Variants in MXI1 observed in about 807,000 individuals in gnomAD.
The protein encoded by MXI1 is MAX interactor 1, dimerization protein, also known as max-interacting protein 1.
A neutral mutation model predicts 36.9 loss-of-function variants in MXI1; 18 were observed. That is an observed-to-expected ratio of 0.49 (90% CI 0.34 to 0.72). MXI1 has a LOEUF of 0.72. Ranked by LOEUF, MXI1 falls within the 30% of genes least tolerant of loss-of-function variation. MXI1 has a pLI of 0.01. For missense variants in MXI1, 304 were observed against 379.1 expected, an observed-to-expected ratio of 0.80 and a Z score of 1.64; for synonymous variants, 160 against 146.7, an observed-to-expected ratio of 1.09 and a Z score of -0.65.
intron 2 of MXI1, among the ~76,000 whole-genome samples, chr10:110,233,366 G>A (rs747483371): frequency 9.2e-5 from 14 of 151,962 alleles, no homozygotes; most frequent in Non-Finnish European, 1.9e-4. Context: ...GAGGGATGGT[G>A]GTGAATTATT....
chr10:110,236,265 T>G (rs1414636031), intron 2 of MXI1, among the ~76,000 whole-genome samples: 1 of 151,074 alleles, frequency 6.6e-6, no homozygotes, highest in East Asian at 1.9e-4. Context: ...GACCACAGAC[T>G]TGTGAGCCTT....
intron 3 of MXI1, among the ~76,000 whole-genome samples, chr10:110,252,679 T>C (rs1008666125): frequency 6.6e-6 from 1 of 152,130 alleles, no homozygotes; most frequent in South Asian, 2.1e-4. Context: ...GGCAGGACTT[T>C]GTCTTATTTA....
chr10:110,225,990 A>T, intron 1 of MXI1: 1 of 981,414 alleles, frequency 1.0e-6, no homozygotes, highest in Non-Finnish European at 1.2e-6. Context: ...GCTCGCGGGG[A>T]GAGGTAAACA....
chr10:110,268,916 T>C (rs1590395540), intron 3 of MXI1, among the ~76,000 whole-genome samples: 1 of 152,314 alleles, frequency 6.6e-6, no homozygotes, highest in East Asian at 1.9e-4. Flanking sequence ...AGGTTGCAAA[T>C]GGCCTGTAAA....
intron 3 of MXI1, among the ~76,000 whole-genome samples, chr10:110,278,701 GGT>G (rs368265649): frequency 0.017 from 1,939 of 115,688 alleles, 11 homozygotes; most frequent in Admixed American, 0.023. Context: ...AGAGAGGTAG[GGT>G]GTGTGTGTGT....
chr10:110,213,798 G>A (rs1044645865), intron 1 of MXI1, among the ~76,000 whole-genome samples: 2 of 152,232 alleles, frequency 1.3e-5, no homozygotes, highest in African/African-American at 4.8e-5. Flanking sequence ...CCAGAAATGG[G>A]GATTCATCTG....
At chr10:110,249,659 G>A (rs1182444968) in intron 3 of MXI1, among the ~76,000 whole-genome samples, 2 of 151,664 alleles carry the variant, frequency 1.3e-5, no homozygotes, top group Non-Finnish European at 2.9e-5. Context: ...TGATCATTTA[G>A]TGAATCATTT....
intron 5 of MXI1, among the ~76,000 whole-genome samples, chr10:110,283,357 A>G (rs2096171): frequency 0.77 from 117,272 of 151,494 alleles, 45,684 homozygotes; most frequent in East Asian, 1. Context: ...TCTGCCTCCT[A>G]AGTTCAAGTG....
Position 110,284,891 on chromosome 10 carries a change from C to G in MXI1, c.792C>G (p.Thr264=), listed in dbSNP as rs534459554. Residue 264 remains threonine, a synonymous_variant, in exon 6 of 6, where the codon ACC becomes ACG. Coordinates refer to ENST00000332674, the MANE Select transcript of MXI1 (RefSeq NM_130439.3). ...GAGAAGTGGACAATATAAGTACCAC[C>G]AGCATCAGTGACATTGATGACCACA... The part of the protein sequence containing the change: ...SHGEVDNIST[T]SISDIDDHSS... 6.7e-5 allele frequency: 108 copies of G among 1,613,892 alleles called. 1 individual carries two copies. The South Asian group carries it at 9.8e-4, about 15-fold the overall frequency.
Position 110,247,488 on chromosome 10 carries a change from G to A in MXI1, c.437+2631G>A, listed in dbSNP as rs868652843. Among the ~76,000 whole-genome samples the A allele has an allele frequency of 1.6e-4, 25 of 152,140 alleles. No homozygotes were observed. In the Middle Eastern group the frequency reaches 0.014, roughly 83 times the overall value. On this transcript the variant is annotated intron_variant, in intron 3 of 5. Coordinates refer to ENST00000332674, the MANE Select transcript of MXI1 (RefSeq NM_130439.3). ...TGCCTATGTCCTGAATGGTATTACC[G>A]AGGTTTTCTTCTAGGGTTTTTATGG...
At chr10:110,218,922 G>A (rs375577582) in intron 1 of MXI1, among the ~76,000 whole-genome samples, 5 of 152,146 alleles carry the variant, frequency 3.3e-5, no homozygotes, top group African/African-American at 1.2e-4. Flanking sequence ...TGACAGTGTG[G>A]GCCAGCTGGT....
At chr10:110,211,009 G>A (rs1317550076) in intron 1 of MXI1, among the ~76,000 whole-genome samples, 2 of 152,008 alleles carry the variant, frequency 1.3e-5, no homozygotes, top group Non-Finnish European at 2.9e-5. Context: ...CTGGAAGGAA[G>A]CAGGGACCCT....
chr10:110,223,965 CT>C (rs1274152266), intron 1 of MXI1, among the ~76,000 whole-genome samples: 4 of 151,490 alleles, frequency 2.6e-5, no homozygotes, highest in Non-Finnish European at 4.4e-5. Context: ...AGCTTGTGAC[CT>C]CACTGGAGAT....
intron 3 of MXI1, among the ~76,000 whole-genome samples, chr10:110,247,047 C>T (rs1007157402): frequency 1.3e-5 from 2 of 152,136 alleles, no homozygotes; most frequent in Non-Finnish European, 2.9e-5. Context: ...GGGAGACCTT[C>T]ATTGGAAACC....
At chr10:110,281,203 A>G (rs1001911585) in intron 5 of MXI1, among the ~76,000 whole-genome samples, 2 of 152,164 alleles carry the variant, frequency 1.3e-5, no homozygotes, top group Non-Finnish European at 2.9e-5. Context: ...TCTGTTCTTC[A>G]CTACGCTCAC....
chr10:110,215,036 TTTTTTTG>T (rs1371890634), intron 1 of MXI1, among the ~76,000 whole-genome samples: 3 of 76,320 alleles, frequency 3.9e-5, no homozygotes, highest in East Asian at 3.5e-4. Context: ...CTTCAGTTTT[TTTTTTTG>T]TTTTTTTTTT....
At chr10:110,220,940 G>A (rs1564705945) in intron 1 of MXI1, among the ~76,000 whole-genome samples, 1 of 152,188 alleles carries the variant, frequency 6.6e-6, no homozygotes, top group Non-Finnish European at 1.5e-5. Context: ...AATAAAATGT[G>A]TTTACACTAA....
chr10:110,227,265 G>GT, intron 1 of MXI1: 1 of 868,290 alleles, frequency 1.2e-6, no homozygotes, highest in Non-Finnish European at 1.3e-6. Context: ...GTGCGGGAAG[G>GT]GCGTGCGCGT....
rs149833134 is a variant in MXI1 at position 110,251,517 on chromosome 10, A to G, written c.437+6660A>G. 8.5e-5 allele frequency among the ~76,000 whole-genome samples: 13 copies of G among 152,264 alleles called. No individual in the cohort carries two copies. The East Asian group carries it at 2.5e-3, about 29-fold the overall frequency. The stretch of plus-strand genomic sequence containing the variant: ...AAGGTACACTAATAGTGTTTTTCAT[A>G]CTGAAAAATGAAACTCACTAGTGGT... On this transcript the variant is annotated intron_variant, in intron 3 of 5. Transcript: ENST00000332674.
Sources: allele counts gnomAD v4.1 joint callset (sites outside exome capture counted in the v4.1 genomes callset), GRCh38; gene constraint gnomAD v4.1.1; transcripts MANE v1.5; gene names NCBI Gene and HGNC (gene_info 2026-07-23, HGNC 2026-07-21).